Variants in MGAT2 observed in about 807,000 individuals in gnomAD.
The protein encoded by MGAT2 is Beta-1,2-N-acetylglucosaminyltransferase II.
Under a neutral mutation model 33.8 loss-of-function variants are expected in MGAT2, and 17 were observed. The ratio of observed to expected loss-of-function variants is 0.50; its 90% CI spans 0.34 to 0.76. MGAT2 has a LOEUF of 0.76. Ranked by LOEUF, MGAT2 falls within the 30% of genes least tolerant of loss-of-function variation. The pLI is 0.01. For synonymous variants in MGAT2, 248 were observed against 226.7 expected, an observed-to-expected ratio of 1.09 and a Z score of -0.84; for missense variants, 529 against 553.9, an observed-to-expected ratio of 0.96 and a Z score of 0.45.
rs1006830352 is a variant in MGAT2, at chr14:49,622,484, A to C, written c.1216A>C (p.Met406Leu). The C allele has an allele frequency of 3.1e-6, 5 of 1,607,864 alleles. No homozygotes were observed. The highest frequency in any genetic ancestry group is 4.2e-6 in the Non-Finnish European group (5 of 1,177,112). Residue 406 changes from methionine to leucine, a missense_variant, in exon 1 of 1, where the codon ATG becomes CTG. Around this residue, in one of 2 missense-constraint regions of MGAT2, gnomAD observed 28 missense variants for 52.8 expected, o/e 0.53. Coordinates refer to ENST00000305386, the MANE Select transcript of MGAT2 (RefSeq NM_002408.4). The stretch of plus-strand genomic sequence containing the variant: ...ACTCTTAAATAATAACAAACAATAC[A>C]TGTTTCCAGAAACTCTAACTATCAG... ...ESLLNNNKQY[M>L]FPETLTISEK...
rs1882912409 is a variant in MGAT2 at position 49,623,432 on chromosome 14, G to T, written c.*820G>T. The stretch of plus-strand genomic sequence containing the variant: ...GCATTACATTTTAATATTTACTATT[G>T]CTACATTGTATAATTGAGTTTGAAA... On this transcript the variant is annotated 3_prime_UTR_variant, in exon 1 of 1. Transcript: ENST00000305386. The T allele has an allele frequency of 6.0e-6, 1 of 166,980 alleles. No homozygotes were observed. The highest frequency in any genetic ancestry group is 2.4e-5 in the African/African-American group (1 of 41,406). The allele number at this position is 166,980 out of a possible 1,614,324, so 10.3% of individuals were successfully genotyped here.
rs1318543605 is a variant in MGAT2, at chr14:49,622,047, A to C, written c.779A>C (p.Glu260Ala). 1.2e-6 allele frequency: 2 copies of C among 1,614,096 alleles called. No homozygotes were observed. The highest frequency in any genetic ancestry group is 1.7e-6 in the Non-Finnish European group (2 of 1,180,046). The change falls in exon 1 of 1, where the codon GAG becomes GCG. Residue 260 changes from glutamate (E) to alanine (A), a missense_variant. Glu to Ala is a moderately radical substitution (Grantham distance 107, BLOSUM62 -1). Transcript: ENST00000305386. ...DYAGLILFLE[E>A]DHYLAPDFYH... ...GCTGGCCTTATACTTTTCCTAGAAG[A>C]GGATCACTACTTAGCCCCAGACTTT...
Position 49,621,649 on chromosome 14 carries a change from G to A in MGAT2, c.381G>A (p.Arg127=). The change falls in exon 1 of 1, where the codon CGG becomes CGA. Residue 127 remains arginine, a synonymous_variant. Coordinates refer to ENST00000305386, the MANE Select transcript of MGAT2 (RefSeq NM_002408.4). The surrounding 1 kb of genome is among the most constrained non-coding windows in gnomAD (Gnocchi z 4.6). ...ELVLVVQVHN[R]PEYLRLLLDS... is the part of the protein sequence containing the mutation. ...TGCTGGTGGTCCAGGTGCATAACCG[G>A]CCCGAATACCTCAGACTGCTGCTGG... The A allele has an allele frequency of 6.2e-7, 1 of 1,614,162 alleles. No homozygotes were observed. Among genetic ancestry groups the A allele is most frequent in the Non-Finnish European group, 8.5e-7 (1 of 1,180,012 alleles).
chr14:49,622,441 G>C lies in MGAT2; in HGVS notation c.1173G>C (p.Gln391His). Residue 391 changes from glutamine (Q) to histidine (H), a missense_variant, in exon 1 of 1, where the codon CAG (glutamine) becomes CAC (histidine). By Grantham distance (24) the Gln-to-His change is conservative. This residue lies in a region of MGAT2 where 501 missense variants were observed against 501.1 expected (regional missense o/e 1.00). Transcript: ENST00000305386. ...HHKKTCRPST[Q>H]SAQIESLLNN... The stretch of plus-strand genomic sequence containing the variant: ...AGAAAACCTGTAGACCATCCACTCA[G>C]AGTGCCCAAATTGAGTCACTCTTAA... 2 of 1,613,976 alleles carry C rather than the reference G, an allele frequency of 1.2e-6. No homozygotes were observed.
Position 49,620,951 on chromosome 14 carries a change from C to T in MGAT2, c.-318C>T, listed in dbSNP as rs1186636983. ...CGAAGCTAGGGTGCGGTTGGGACCG[C>T]GGCTGAGCTTTTTCCGGGACCCGTG... On this transcript the variant is annotated 5_prime_UTR_variant, in exon 1 of 1. Transcript: ENST00000305386. 4 of 701,996 alleles carry T rather than the reference C, an allele frequency of 5.7e-6. No individual in the cohort carries two copies. Among genetic ancestry groups the T allele is most frequent in the Non-Finnish European group, 1.0e-5 (4 of 384,758 alleles). The allele number at this position is 701,996 out of a possible 1,614,324, so 43.5% of individuals were successfully genotyped here.
In MGAT2 at chr14:49,621,188, C is replaced by G. The variant is rs1252699977; in HGVS notation, c.-81C>G. ...CGACCGTGACAGGCCAAGGCGACGG[C>G]CGCCGCCCGCCCGCCCCTTCCGTGC... On this transcript the variant is annotated 5_prime_UTR_variant, in exon 1 of 1. Coordinates refer to ENST00000305386, the MANE Select transcript of MGAT2 (RefSeq NM_002408.4). The surrounding 1 kb of genome is among the most constrained non-coding windows in gnomAD (Gnocchi z 4.6). The G allele has an allele frequency of 6.3e-7, 1 of 1,593,850 alleles. No homozygotes were observed. The highest frequency in any genetic ancestry group is 1.3e-5 in the African/African-American group (1 of 74,484).
In MGAT2 at chr14:49,622,034, C is replaced by T; in HGVS notation, c.766C>T (p.Leu256Phe). The T allele has an allele frequency of 1.9e-6, 3 of 1,613,996 alleles. No homozygotes were observed. The highest frequency in any genetic ancestry group is 1.1e-5 in the South Asian group (1 of 91,058). The change falls in exon 1 of 1, where the codon CTT becomes TTT. Residue 256 changes from leucine to phenylalanine, a missense_variant. Transcript: ENST00000305386. ...TCTTCGAGATTATGCTGGCCTTATA[C>T]TTTTCCTAGAAGAGGATCACTACTT... The part of the protein sequence containing the change: ...KILRDYAGLI[L>F]FLEEDHYLAP...
At position 49,621,170 on chromosome 14, in the gene MGAT2, G is replaced by C; in HGVS notation, c.-99G>C. 1 of 1,565,290 alleles carries C rather than the reference G, an allele frequency of 6.4e-7. No homozygotes were observed. The highest frequency in any genetic ancestry group is 8.7e-7 in the Non-Finnish European group (1 of 1,153,186). On this transcript the variant is annotated 5_prime_UTR_variant, in exon 1 of 1. Coordinates refer to ENST00000305386, the MANE Select transcript of MGAT2 (RefSeq NM_002408.4). This position sits in a 1 kb window ranked among gnomAD's most constrained non-coding sequence, Gnocchi z 4.6. ...AGCCGCGGGGGCCAGTTCCGACCGTGACAGGCCAAGGCGACGGCCGCCGCC... is the reference window on the plus strand; with the variant it reads ...AGCCGCGGGGGCCAGTTCCGACCGTCACAGGCCAAGGCGACGGCCGCCGCC...
rs527933593 is a variant in MGAT2, at chr14:49,621,518, G to T, written c.250G>T (p.Ala84Ser). The T allele has an allele frequency of 7.0e-5, 113 of 1,612,418 alleles. No individual in the cohort carries two copies. In the South Asian group the frequency reaches 1.2e-3, roughly 18 times the overall value. Residue 84 changes from alanine to serine, a missense_variant, in exon 1 of 1, where the codon GCG (alanine) becomes TCG (serine). By Grantham distance (99) the Ala-to-Ser change is moderately conservative. Coordinates refer to ENST00000305386, the MANE Select transcript of MGAT2 (RefSeq NM_002408.4). This position sits in a 1 kb window ranked among gnomAD's most constrained non-coding sequence, Gnocchi z 4.6. ...GGTCCCGGCGGTCCCCCAGCCCGAG[G>T]CGGACAACCTGACGCTGCGGTACCG... ...SLVPAVPQPEADNLTLRYRSL... is the reference protein window; with the variant it reads ...SLVPAVPQPESDNLTLRYRSL...
rs1185405551 is a variant in MGAT2 at position 49,622,891 on chromosome 14, CATTT to C, written c.*283_*286del. On this transcript the variant is annotated 3_prime_UTR_variant, in exon 1 of 1. Transcript: ENST00000305386. Reference sequence around the variant, plus strand: ...AAGAGGGGAAATTTTATTTAAATTGCATTTATTAATCTTTTTATCTGAAACTTTG... The same window carrying C: ...AAGAGGGGAAATTTTATTTAAATTGCATTAATCTTTTTATCTGAAACTTTG... 3.9e-6 allele frequency: 1 copy of C among 257,914 alleles called. No homozygotes were observed. Among genetic ancestry groups the C allele is most frequent in the Non-Finnish European group, 7.8e-6 (1 of 127,666 alleles). The allele number at this position is 257,914 out of a possible 1,614,324, so 16.0% of individuals were successfully genotyped here. A position where few individuals can be genotyped will look rare whatever the true frequency, so the allele number is the denominator to read the frequency against.
In MGAT2 at chr14:49,622,573, G is replaced by A. The variant is rs370985289; in HGVS notation, c.1305G>A (p.Arg435=). 1.0e-5 allele frequency: 16 copies of A among 1,593,376 alleles called. No individual in the cohort carries two copies. The highest frequency in any genetic ancestry group is 1.4e-5 in the Non-Finnish European group (16 of 1,173,438). ...AAAATGGAGGGTGGGGAGATATTAG[G>A]GACCATGAACTCTGTAAAAGTTATA... The part of the protein sequence containing the change: ...PRKNGGWGDI[R]DHELCKSYRR... The change falls in exon 1 of 1, where the codon AGG becomes AGA. Residue 435 remains arginine, a synonymous_variant. Coordinates refer to ENST00000305386, the MANE Select transcript of MGAT2 (RefSeq NM_002408.4).
chr14:49,623,065 G>T lies in MGAT2; in HGVS notation c.*453G>T. 1 of 168,832 alleles carries T rather than the reference G, an allele frequency of 5.9e-6. No individual in the cohort carries two copies. The highest frequency in any genetic ancestry group is 1.4e-5 in the Non-Finnish European group (1 of 69,318). 10.5% of individuals were successfully genotyped at this position (168,832 alleles called of 1,614,324 possible). On this transcript the variant is annotated 3_prime_UTR_variant, in exon 1 of 1. Transcript: ENST00000305386. Reference sequence around the variant, plus strand: ...CTCTCTTGACACACTTATTAGGAAGGGATTGCTTCACTGGTTTAATAATTT... The same window carrying T: ...CTCTCTTGACACACTTATTAGGAAGTGATTGCTTCACTGGTTTAATAATTT...
Position 49,622,203 on chromosome 14 carries a change from G to C in MGAT2, c.935G>C (p.Trp312Ser). The C allele has an allele frequency of 6.2e-7, 1 of 1,614,086 alleles. No individual in the cohort carries two copies. Among genetic ancestry groups the C allele is most frequent in the Non-Finnish European group, 8.5e-7 (1 of 1,179,992 alleles). The part of the protein sequence containing the change: ...GMADKVDVKT[W>S]KSTEHNMGLA... ...GCTGACAAGGTAGATGTGAAAACTT[G>C]GAAATCCACAGAGCACAATATGGGT... Residue 312 changes from tryptophan to serine, a missense_variant, in exon 1 of 1, where the codon TGG (tryptophan) becomes TCG (serine). Trp to Ser is a radical substitution (Grantham distance 177, BLOSUM62 -3). Transcript: ENST00000305386.
chr14:49,622,676 T>TG lies in MGAT2; in HGVS notation c.*65dup. 6.6e-7 allele frequency: 1 copy of TG among 1,513,726 alleles called. No homozygotes were observed. The highest frequency in any genetic ancestry group is 8.9e-7 in the Non-Finnish European group (1 of 1,129,102). The allele number at this position is 1,513,726 out of a possible 1,614,324, so 93.8% of individuals were successfully genotyped here. A position where few individuals can be genotyped will look rare whatever the true frequency, so the allele number is the denominator to read the frequency against. On this transcript the variant is annotated 3_prime_UTR_variant, in exon 1 of 1. Coordinates refer to ENST00000305386, the MANE Select transcript of MGAT2 (RefSeq NM_002408.4). Reference sequence around the variant, plus strand: ...TATTTGTCCAAACAGGACATACAATTGAATAAAAGAGTTTAGGAACTGGTT... The same window carrying TG: ...TATTTGTCCAAACAGGACATACAATTGGAATAAAAGAGTTTAGGAACTGGTT...
In MGAT2 at chr14:49,622,259, C is replaced by G; in HGVS notation, c.991C>G (p.Leu331Val). ...LALTRNAYQK[L>V]IECTDTFCTY... ...CTTGACCCGGAATGCCTATCAGAAG[C>G]TGATCGAGTGCACAGACACTTTCTG... The change falls in exon 1 of 1, where the codon CTG (leucine) becomes GTG (valine). Residue 331 changes from leucine (L) to valine (V), a missense_variant. Leu to Val is a conservative substitution (Grantham distance 32, BLOSUM62 1). Around this residue, in one of 2 missense-constraint regions of MGAT2, gnomAD observed 501 missense variants for 501.1 expected, o/e 1.00. Coordinates refer to ENST00000305386, the MANE Select transcript of MGAT2 (RefSeq NM_002408.4). The G allele has an allele frequency of 6.2e-7, 1 of 1,614,186 alleles. No individual in the cohort carries two copies. Among genetic ancestry groups the G allele is most frequent in the South Asian group, 1.1e-5 (1 of 91,074 alleles).
In MGAT2 at chr14:49,621,696, G is replaced by T. The variant is rs1333061086; in HGVS notation, c.428G>T (p.Gly143Val). The change falls in exon 1 of 1, where the codon GGA (glycine) becomes GTA (valine). Residue 143 changes from glycine (G) to valine (V), a missense_variant. Coordinates refer to ENST00000305386, the MANE Select transcript of MGAT2 (RefSeq NM_002408.4). The surrounding 1 kb of genome is among the most constrained non-coding windows in gnomAD (Gnocchi z 4.6). ...CTGGACTCACTTCGAAAAGCCCAGGGAATTGACAACGTCCTCGTCATCTTT... is the reference window on the plus strand; with the variant it reads ...CTGGACTCACTTCGAAAAGCCCAGGTAATTGACAACGTCCTCGTCATCTTT... ...LLLDSLRKAQ[G>V]IDNVLVIFSH... 6.2e-7 allele frequency: 1 copy of T among 1,614,202 alleles called. No homozygotes were observed. Among genetic ancestry groups the T allele is most frequent in the Non-Finnish European group, 8.5e-7 (1 of 1,180,012 alleles).
Position 49,621,546 on chromosome 14 carries a change from C to A in MGAT2, c.278C>A (p.Ser93Tyr). Reference sequence around the variant, plus strand: ...GACAACCTGACGCTGCGGTACCGGTCCCTGGTGTACCAGCTGAACTTTGAT... The same window carrying A: ...GACAACCTGACGCTGCGGTACCGGTACCTGGTGTACCAGCTGAACTTTGAT... Reference protein sequence around the residue: ...EADNLTLRYRSLVYQLNFDQT... With the variant: ...EADNLTLRYRYLVYQLNFDQT... Residue 93 changes from serine to tyrosine, a missense_variant, in exon 1 of 1, where the codon TCC (serine) becomes TAC (tyrosine). Physicochemically the swap from Ser to Tyr is moderately radical, Grantham distance 144. This residue lies in a region of MGAT2 where 501 missense variants were observed against 501.1 expected (regional missense o/e 1.00). Transcript: ENST00000305386. The surrounding 1 kb of genome is among the most constrained non-coding windows in gnomAD (Gnocchi z 4.6). 6.2e-7 allele frequency: 1 copy of A among 1,613,678 alleles called. No homozygotes were observed. The highest frequency in any genetic ancestry group is 8.5e-7 in the Non-Finnish European group (1 of 1,179,944).
rs1882830896 is a variant in MGAT2, at chr14:49,621,095, G to C, written c.-174G>C. 1 of 909,008 alleles carries C rather than the reference G, an allele frequency of 1.1e-6. No homozygotes were observed. Among genetic ancestry groups the C allele is most frequent in the Non-Finnish European group, 1.7e-6 (1 of 576,992 alleles). The allele number at this position is 909,008 out of a possible 1,614,324, so 56.3% of individuals were successfully genotyped here. A position where few individuals can be genotyped will look rare whatever the true frequency, so the allele number is the denominator to read the frequency against. The stretch of plus-strand genomic sequence containing the variant: ...AGCGCAGGCGGCGCGGGGTAAATGA[G>C]AGGTCTCGGGCCCCAGGACCCCCGG... On this transcript the variant is annotated 5_prime_UTR_variant, in exon 1 of 1. Coordinates refer to ENST00000305386, the MANE Select transcript of MGAT2 (RefSeq NM_002408.4). The surrounding 1 kb of genome is among the most constrained non-coding windows in gnomAD (Gnocchi z 4.6).
chr14:49,622,289 T>TG lies in MGAT2; in HGVS notation c.1021_1022insG (p.Tyr341Ter). ...CGAGTGCACAGACACTTTCTGTACT[T>TG]ATGATGATTATAACTGGGACTGGAC... ...LIECTDTFCTYDDYNWDWTLQ... is the reference protein window; with the variant it reads ...LIECTDTFCT Residue 341 changes from tyrosine to a stop codon, truncating the protein, a stop_gained and frameshift_variant, in exon 1 of 1, where the codon TAT becomes TGAT. Coordinates refer to ENST00000305386, the MANE Select transcript of MGAT2 (RefSeq NM_002408.4). LOFTEE classifies it high-confidence loss of function. 6.2e-7 allele frequency: 1 copy of TG among 1,614,100 alleles called. No individual in the cohort carries two copies.
Sources: allele counts gnomAD v4.1 joint callset, GRCh38; gene constraint gnomAD v4.1.1; regional missense constraint gnomAD v4.1.1; non-coding constraint Gnocchi (gnomAD v3.1); transcripts MANE v1.5; gene names NCBI Gene and HGNC (gene_info 2026-07-23, HGNC 2026-07-21).